ASPH: variants seen among roughly 807,000 people sequenced by gnomAD.
ASPH encodes aspartyl/asparaginyl beta-hydroxylase.
Under a neutral mutation model 118.4 loss-of-function variants are expected in ASPH, and 100 were observed. The observed-to-expected ratio is 0.84, with a 90% CI of 0.72 to 1.00. ASPH has a LOEUF of 1.00. Among genes scored for constraint, ASPH ranks in the 50% least tolerant of loss-of-function variants. ASPH has a pLI of 0.00. For synonymous variants in ASPH, 315 were observed against 325.6 expected (o/e 0.97, Z 0.35); for missense variants, 920 against 919.5 (o/e 1.00, Z -0.01).
intron 24 of ASPH, among the ~76,000 whole-genome samples, chr8:61,506,893 A>G (rs987356297): frequency 2.6e-5 from 4 of 152,180 alleles, no homozygotes; most frequent in African/African-American, 7.2e-5. Flanking sequence ...ATGAGATATA[A>G]AAACATCTTC....
intron 24 of ASPH, among the ~76,000 whole-genome samples, chr8:61,504,870 T>C (rs1439381447): frequency 6.6e-6 from 1 of 152,218 alleles, no homozygotes; most frequent in Non-Finnish European, 1.5e-5. Context: ...AACTAACAGA[T>C]AAAGTACTGA....
chr8:61,607,984 G>A (rs562600743), intron 14 of ASPH, among the ~76,000 whole-genome samples: 8 of 152,230 alleles, frequency 5.3e-5, no homozygotes, highest in African/African-American at 1.9e-4. Context: ...GGAGGATGGG[G>A]GACTTGAGAC....
intron 22 of ASPH, among the ~76,000 whole-genome samples, chr8:61,521,575 T>C (rs1407536140): frequency 2.0e-5 from 3 of 152,210 alleles, no homozygotes; most frequent in Non-Finnish European, 4.4e-5. Flanking sequence ...TGTTGCATTG[T>C]AAGTTAGAAG....
At chr8:61,540,958 A>G (rs1024538876) in intron 21 of ASPH, among the ~76,000 whole-genome samples, 1 of 151,920 alleles carries the variant, frequency 6.6e-6, no homozygotes, top group African/African-American at 2.4e-5. Flanking sequence ...TGAAAAAAAA[A>G]TTAAGAAAGG....
chr8:61,637,364 T>C (rs1858287159), intron 12 of ASPH, among the ~76,000 whole-genome samples: 1 of 152,166 alleles, frequency 6.6e-6, no homozygotes, highest in African/African-American at 2.4e-5. Context: ...ATCTCCACGC[T>C]CCCTGTTTCT....
chr8:61,528,664 T>C (rs1248685610), intron 21 of ASPH, among the ~76,000 whole-genome samples: 1 of 152,208 alleles, frequency 6.6e-6, no homozygotes, highest in Non-Finnish European at 1.5e-5. Context: ...CATCACTCAA[T>C]ATAATTTAAC....
At chr8:61,516,667 T>C (rs1441061538) in intron 24 of ASPH, among the ~76,000 whole-genome samples, 3 of 152,212 alleles carry the variant, frequency 2.0e-5, no homozygotes, top group African/African-American at 7.2e-5. Context: ...ACTGAGGATA[T>C]ATACTCTGAG....
chr8:61,704,778 C>T (rs1032468963), intron 1 of ASPH, among the ~76,000 whole-genome samples: 1 of 152,094 alleles, frequency 6.6e-6, no homozygotes, highest in African/African-American at 2.4e-5. Flanking sequence ...TAAGAAGCCA[C>T]GGCATACCCA....
intron 21 of ASPH, among the ~76,000 whole-genome samples, chr8:61,538,904 C>T (rs1820635427): frequency 6.6e-6 from 1 of 152,164 alleles, no homozygotes; most frequent in East Asian, 1.9e-4. Flanking sequence ...TCCTTTTTCT[C>T]AGTGATGAAT....
At chr8:61,649,095 G>A (rs766253006) in intron 5 of ASPH, among the ~76,000 whole-genome samples, 3 of 152,148 alleles carry the variant, frequency 2.0e-5, no homozygotes, top group Non-Finnish European at 4.4e-5. Context: ...GGTTATAGAG[G>A]AGCAAGTATG....
chr8:61,567,578 T>C (rs1436725976), intron 16 of ASPH, among the ~76,000 whole-genome samples: 4 of 152,202 alleles, frequency 2.6e-5, no homozygotes, highest in African/African-American at 7.2e-5. Context: ...CTGGGGCTGA[T>C]GGAGATGTAC....
rs138195151 is a variant in ASPH, at chr8:61,627,743, A to G, written c.934+5940T>C. Among the ~76,000 whole-genome samples the G allele has an allele frequency of 2.4e-4, 36 of 152,318 alleles. 1 individual carries two copies. In the East Asian group the frequency reaches 6.7e-3, roughly 29 times the overall value. Reference sequence around the variant, plus strand: ...GCAAATAAACTAAAAGTTCTACTACAATTTTGAACAATTCCAATAAATGTC... The same window carrying G: ...GCAAATAAACTAAAAGTTCTACTACGATTTTGAACAATTCCAATAAATGTC... On this transcript the variant is annotated intron_variant, in intron 13 of 24. Transcript: ENST00000379454.
In ASPH at chr8:61,504,910, TG is replaced by T. The variant is rs376751546; in HGVS notation, c.2127-1402del. On this transcript the variant is annotated intron_variant, in intron 24 of 24. Transcript: ENST00000379454. Reference sequence around the variant, plus strand: ...TTGCAAGTTGAAAGTTCACTGAAGTTGGGAACTGAACCTCTACTTCTACTAC... The same window carrying T: ...TTGCAAGTTGAAAGTTCACTGAAGTTGGAACTGAACCTCTACTTCTACTAC... Among the ~76,000 whole-genome samples the T allele has an allele frequency of 7.1e-4, 108 of 152,304 alleles. 1 individual carries two copies. The highest frequency in any genetic ancestry group is 2.4e-3 in the African/African-American group (99 of 41,576).
intron 1 of ASPH, chr8:61,689,828 G>GT (rs921571411): frequency 2.8e-6 from 4 of 1,420,124 alleles, no homozygotes; most frequent in Admixed American, 3.1e-5. Flanking sequence ...TCCCTGCACT[G>GT]TAAGGGCCTC....
chr8:61,573,347 C>T (rs931925533), intron 16 of ASPH, among the ~76,000 whole-genome samples: 2 of 152,002 alleles, frequency 1.3e-5, no homozygotes, highest in Non-Finnish European at 2.9e-5. Flanking sequence ...TTCTTCACAG[C>T]ATTAGAAAAA....
At chr8:61,680,859 G>T in intron 3 of ASPH, 109 bp downstream of exon 3, 1 of 846,850 alleles carries the variant, frequency 1.2e-6, no homozygotes, top group Non-Finnish European at 1.7e-6. Context: ...ATTTAAGGGA[G>T]AAAAGTCTCC....
intron 12 of ASPH, among the ~76,000 whole-genome samples, chr8:61,634,990 G>A (rs1010427247): frequency 6.6e-6 from 1 of 152,098 alleles, no homozygotes; most frequent in African/African-American, 2.4e-5. Flanking sequence ...AGTAAACCGT[G>A]AATTAATTCT....
chr8:61,665,425 C>G, intron 3 of ASPH: 1 of 1,604,092 alleles, frequency 6.2e-7, no homozygotes, highest in Non-Finnish European at 8.5e-7. Context: ...GGTCCACTTT[C>G]TCTTTTTCTC....
intron 1 of ASPH, among the ~76,000 whole-genome samples, chr8:61,703,077 C>A (rs1014093350): frequency 6.6e-6 from 1 of 152,150 alleles, no homozygotes; most frequent in Non-Finnish European, 1.5e-5. Context: ...TCAAATCAAC[C>A]AAGTGGGACT....
Sources: gnomAD v4.1 joint callset for allele counts (sites outside exome capture counted in the v4.1 genomes callset) on GRCh38, gnomAD v4.1.1 for gene constraint, MANE v1.5 for transcripts, NCBI Gene and HGNC (gene_info 2026-07-23, HGNC 2026-07-21) for gene names.